The following TRPM2 variants were observed in gnomAD, a reference collection of about 807,000 sequenced individuals.
The protein encoded by TRPM2 is estrogen-responsive element-associated gene 1 protein.
In TRPM2, 161 loss-of-function variants were observed where a neutral mutation model predicts 174.0. That is an observed-to-expected ratio of 0.93 (90% CI 0.81 to 1.05). The LOEUF (loss-of-function observed/expected upper bound fraction) is 1.05, where lower values mean the gene tolerates loss of function less well. Ranked by LOEUF, TRPM2 falls within the 50% of genes least tolerant of loss-of-function variation. The probability of loss-of-function intolerance (pLI) is 0.00; values close to 1 mark genes in which losing one functional copy is unlikely to be tolerated. For synonymous variants in TRPM2, 954 were observed against 861.3 expected, an observed-to-expected ratio of 1.11 and a Z score of -1.88; for missense variants, 2,057 against 2,038.0, an observed-to-expected ratio of 1.01 and a Z score of -0.18.
At chr21:44,359,253 G>A (rs1457031352) in intron 2 of TRPM2, among the ~76,000 whole-genome samples, 3 of 151,940 alleles carry the variant, frequency 2.0e-5, no homozygotes, top group Non-Finnish European at 4.4e-5. Context: ...TGTGCTGATT[G>A]GCGCATTTTA....
rs546511887 is a variant in TRPM2, at chr21:44,416,912, G to A, written c.3147-1015G>A. On this transcript the variant is annotated intron_variant, in intron 20 of 31. Transcript: ENST00000397928. ...GCTCTGCTCTCTGTGGCATCACAGTGTGCACGTGGGCGTGGCTCTGCTCTC... is the reference window on the plus strand; with the variant it reads ...GCTCTGCTCTCTGTGGCATCACAGTATGCACGTGGGCGTGGCTCTGCTCTC... Among the ~76,000 whole-genome samples the A allele has an allele frequency of 1.8e-3, 260 of 148,252 alleles. 1 individual carries two copies. Among genetic ancestry groups the A allele is most frequent in the African/African-American group, 5.9e-3 (234 of 39,656 alleles).
At chr21:44,382,355 A>G (rs2048907656) in intron 8 of TRPM2, among the ~76,000 whole-genome samples, 1 of 152,240 alleles carries the variant, frequency 6.6e-6, no homozygotes, top group Non-Finnish European at 1.5e-5. Context: ...CGATCGACAG[A>G]CAGACAGATA....
chr21:44,375,970 C>G lies in TRPM2; in HGVS notation c.909C>G (p.Thr303=), dbSNP rs142167196. 1.1e-5 allele frequency: 17 copies of G among 1,613,966 alleles called. No homozygotes were observed. The highest frequency in any genetic ancestry group is 9.3e-5 in the African/African-American group (7 of 74,928). Residue 303 remains threonine, a synonymous_variant, in exon 6 of 32, where the codon ACC becomes ACG. Transcript: ENST00000397928. ...ACGGGGTGGAGATTCCTCTGAGGAC[C>G]AGGCTGGAGAAGTTCATATCGGAGC... ...GQYGVEIPLR[T]RLEKFISEQT... is the part of the protein sequence containing the mutation.
intron 9 of TRPM2, among the ~76,000 whole-genome samples, chr21:44,383,343 C>G (rs992638078): frequency 6.6e-6 from 1 of 152,172 alleles, no homozygotes; most frequent in African/African-American, 2.4e-5. Flanking sequence ...TTTGTCTTAC[C>G]CAGCTGGCAC....
intron 2 of TRPM2, among the ~76,000 whole-genome samples, chr21:44,357,227 C>T (rs546357738): frequency 3.3e-4 from 51 of 152,342 alleles, no homozygotes; most frequent in Admixed American, 5.9e-4. Flanking sequence ...CCTGAGAAGC[C>T]TAGGTGAGGC....
Position 44,397,725 on chromosome 21 carries a change from C to T in TRPM2, c.1933-22C>T, listed in dbSNP as rs748494078. The T allele has an allele frequency of 5.6e-5, 86 of 1,548,918 alleles. 1 individual carries two copies. The highest frequency in any genetic ancestry group is 7.1e-5 in the Non-Finnish European group (81 of 1,146,080). ...GGTTGAGCCTGGCTCTTTAGTCTCA[C>T]GGTGGCTCCTCTGGTCCCCAGAGCC... On this transcript the variant is annotated intron_variant, in intron 12 of 31. Transcript: ENST00000397928.
chr21:44,407,243 C>G (rs531259330), intron 19 of TRPM2, among the ~76,000 whole-genome samples: 1 of 142,852 alleles, frequency 7.0e-6, no homozygotes, highest in East Asian at 2.1e-4. Flanking sequence ...TCCTCCCACC[C>G]GTCTGCTGAG....
At chr21:44,414,500 G>T in intron 20 of TRPM2, 1 of 175,568 alleles carries the variant, frequency 5.7e-6, no homozygotes, top group Non-Finnish European at 1.2e-5. Flanking sequence ...CTGTCCCCTT[G>T]TCACCCCAAG....
chr21:44,430,300 C>G (rs2050976178), intron 27 of TRPM2, among the ~76,000 whole-genome samples: 1 of 151,986 alleles, frequency 6.6e-6, no homozygotes, highest in Admixed American at 6.6e-5. Flanking sequence ...CTTCTTTTCT[C>G]TTCTTTACAA....
Position 44,407,330 on chromosome 21 carries a change from T to C in TRPM2, c.2962+565T>C, listed in dbSNP as rs904676394. ...TTGTAGAGATGGGGGTTTCAGCATGTGGCCCAGGCTAGTATCGAACTCTTG... is the reference window on the plus strand; with the variant it reads ...TTGTAGAGATGGGGGTTTCAGCATGCGGCCCAGGCTAGTATCGAACTCTTG... On this transcript the variant is annotated intron_variant, in intron 19 of 31. Transcript: ENST00000397928. Among the ~76,000 whole-genome samples, 4 of 149,352 alleles carry C rather than the reference T, an allele frequency of 2.7e-5. No individual in the cohort carries two copies. In the East Asian group the frequency reaches 8.1e-4, roughly 30 times the overall value.
At chr21:44,350,622 G>T (rs1411908538), upstream of TRPM2, among the ~76,000 whole-genome samples, 1 of 133,036 alleles carries the variant, frequency 7.5e-6, no homozygotes, top group African/African-American at 3.3e-5. Flanking sequence ...GCAGGGCGCG[G>T]TGGGGTGCAG....
chr21:44,441,050 G>T, intron 31 of TRPM2, 145 bp downstream of exon 31: 1 of 708,418 alleles, frequency 1.4e-6, no homozygotes, highest in East Asian at 2.7e-5. Context: ...GGAGAGGGAA[G>T]GCGGGGACCG....
rs577972895 is a variant in TRPM2 at position 44,439,563 on chromosome 21, C to T, written c.4269+395C>T. Among the ~76,000 whole-genome samples the T allele has an allele frequency of 3.3e-5, 5 of 152,268 alleles. No individual in the cohort carries two copies. The South Asian group carries it at 6.2e-4, about 19-fold the overall frequency. ...GGAAGCCAGCCCCTCCCTCAGACCT[C>T]GCCCCGACTCCCAAGCTCTGGAGGG... On this transcript the variant is annotated intron_variant, in intron 30 of 31. Transcript: ENST00000397928. This position sits in a 1 kb window ranked among gnomAD's most constrained non-coding sequence, Gnocchi z 5.1.
intron 2 of TRPM2, among the ~76,000 whole-genome samples, chr21:44,358,645 G>A (rs2048123182): frequency 6.6e-6 from 1 of 152,200 alleles, no homozygotes; most frequent in African/African-American, 2.4e-5. Context: ...GGTAGCTTGT[G>A]ATAGGCTGTT....
At chr21:44,389,307 A>G (rs1276642623) in intron 9 of TRPM2, among the ~76,000 whole-genome samples, 1 of 152,168 alleles carries the variant, frequency 6.6e-6, no homozygotes, top group Non-Finnish European at 1.5e-5. Context: ...TGAATACACC[A>G]CAGGTTGTTT....
upstream of TRPM2, chr21:44,350,415 C>T (rs2146100175): frequency 1.5e-5 from 2 of 137,262 alleles, no homozygotes; most frequent in East Asian, 2.2e-4. Context: ...GTGCGGGGTG[C>T]GGGGACCGAG....
At position 44,381,996 on chromosome 21, in the gene TRPM2, G is replaced by A. The variant is rs1427656592; in HGVS notation, c.1216-722G>A. Among the ~76,000 whole-genome samples the A allele has an allele frequency of 8.5e-4, 126 of 148,388 alleles. 2 individuals are homozygous for A. Among genetic ancestry groups the A allele is most frequent in the Non-Finnish European group, 9.6e-4 (64 of 66,842 alleles). ...TAGATAGATAGATAGATAGATAGATGGATGATAGATAGATAGTGGGTGGGA... is the reference window on the plus strand; with the variant it reads ...TAGATAGATAGATAGATAGATAGATAGATGATAGATAGATAGTGGGTGGGA... On this transcript the variant is annotated intron_variant, in intron 8 of 31. Transcript: ENST00000397928.
chr21:44,361,106 G>A (rs990280367), intron 2 of TRPM2, among the ~76,000 whole-genome samples: 4 of 151,992 alleles, frequency 2.6e-5, no homozygotes, highest in Admixed American at 6.6e-5. Flanking sequence ...TCAGCACAGC[G>A]CACTTGATAT....
In TRPM2 at chr21:44,437,176, G is replaced by A. The variant is rs756438027; in HGVS notation, c.4167+9G>A. ...ACTGGGCCCTGCCTGGGGTAAGGCT[G>A]CCGCGTGTGGGACCTCTGTCCACTG... On this transcript the variant is annotated intron_variant, in intron 29 of 31. Coordinates refer to ENST00000397928, the MANE Select transcript of TRPM2 (RefSeq NM_003307.4). 7 of 1,549,704 alleles carry A rather than the reference G, an allele frequency of 4.5e-6. No homozygotes were observed. The highest frequency in any genetic ancestry group is 1.4e-5 in the African/African-American group (1 of 73,034).
Sources: allele counts gnomAD v4.1 joint callset (sites outside exome capture counted in the v4.1 genomes callset), GRCh38; gene constraint gnomAD v4.1.1; non-coding constraint Gnocchi (gnomAD v3.1); transcripts MANE v1.5; gene names NCBI Gene and HGNC (gene_info 2026-07-23, HGNC 2026-07-21).